The following SLC38A4 variants were observed in gnomAD, a reference collection of about 807,000 sequenced individuals.
SLC38A4 encodes solute carrier family 38 member 4.
A neutral mutation model predicts 63.1 loss-of-function variants in SLC38A4; 20 were observed. That is an observed-to-expected ratio of 0.32 (90% CI 0.22 to 0.46). The LOEUF (loss-of-function observed/expected upper bound fraction) is 0.46, where lower values mean the gene tolerates loss of function less well. SLC38A4 is among the 20% of genes least tolerant of loss of function. The pLI, the probability that SLC38A4 is intolerant of heterozygous loss-of-function variation, is 1.00. For synonymous variants in SLC38A4, 230 were observed against 225.5 expected, an observed-to-expected ratio of 1.02 and a Z score of -0.18; for missense variants, 526 against 663.6, an observed-to-expected ratio of 0.79 and a Z score of 2.28.
chr12:46,806,496 G>T (rs1939235305), intron 1 of SLC38A4, among the ~76,000 whole-genome samples: 1 of 151,878 alleles, frequency 6.6e-6, no homozygotes, highest in South Asian at 2.1e-4. Context: ...GTTTGGGTTT[G>T]GTGATGTTTG....
chr12:46,793,458 A>G (rs1044486916), intron 2 of SLC38A4, among the ~76,000 whole-genome samples: 21 of 151,570 alleles, frequency 1.4e-4, no homozygotes, highest in South Asian at 4.2e-4. Flanking sequence ...GTCACTATGG[A>G]AAAAAAAAGA....
At chr12:46,826,077 C>T (rs1939647222), upstream of SLC38A4, 1 of 152,268 alleles carries the variant, frequency 6.6e-6, no homozygotes, top group Non-Finnish European at 1.5e-5. Flanking sequence ...GGAGTACCAA[C>T]ATTGCAGACA....
chr12:46,766,394 G>A lies in SLC38A4; in HGVS notation c.*307C>T, dbSNP rs1484070686. ...GGGGAAAGAGTACTATCTGATGATTGTTACATGCAGTTACCCTTATTCTGC... is the reference window on the plus strand; with the variant it reads ...GGGGAAAGAGTACTATCTGATGATTATTACATGCAGTTACCCTTATTCTGC... On this transcript the variant is annotated 3_prime_UTR_variant, in exon 17 of 17. Coordinates refer to ENST00000266579, the MANE Select transcript of SLC38A4 (RefSeq NM_018018.5). 8.1e-6 allele frequency: 4 copies of A among 495,552 alleles called. No homozygotes were observed. Among genetic ancestry groups the A allele is most frequent in the Non-Finnish European group, 1.6e-5 (4 of 253,224 alleles). 30.7% of individuals were successfully genotyped at this position (495,552 alleles called of 1,614,324 possible). A position where few individuals can be genotyped will look rare whatever the true frequency, so the allele number is the denominator to read the frequency against.
chr12:46,821,903 C>G (rs1210063942), intron 1 of SLC38A4, among the ~76,000 whole-genome samples: 1 of 152,092 alleles, frequency 6.6e-6, no homozygotes, highest in Non-Finnish European at 1.5e-5. Context: ...AGGACTTTTA[C>G]CTCTTTAATT....
intron 1 of SLC38A4, among the ~76,000 whole-genome samples, chr12:46,816,107 A>G (rs1404181884): frequency 6.6e-6 from 1 of 151,950 alleles, no homozygotes; most frequent in Non-Finnish European, 1.5e-5. Flanking sequence ...TTCTAAGATA[A>G]AGAAAACTTT....
Position 46,770,020 on chromosome 12 carries a change from A to AT in SLC38A4, c.1300-593dup, listed in dbSNP as rs1194985100. ...CTTTTGATATTTGAAATGGAGTGTC[A>AT]TTTTTTCCTTGGCCTATTTTATAAG... On this transcript the variant is annotated intron_variant, in intron 14 of 16. Coordinates refer to ENST00000266579, the MANE Select transcript of SLC38A4 (RefSeq NM_018018.5). Among the ~76,000 whole-genome samples, 15 of 152,034 alleles carry AT rather than the reference A, an allele frequency of 9.9e-5. 1 individual carries two copies. Among genetic ancestry groups the AT allele is most frequent in the Admixed American group, 9.8e-4 (15 of 15,252 alleles).
At chr12:46,815,282 TATACACAC>T (rs1939420504) in intron 1 of SLC38A4, among the ~76,000 whole-genome samples, 2 of 90,116 alleles carry the variant, frequency 2.2e-5, no homozygotes, top group African/African-American at 4.5e-5. Context: ...TATATATATA[TATACACAC>T]ACACACACAC....
chr12:46,824,490 T>C (rs1939608953), intron 1 of SLC38A4: 1 of 152,134 alleles, frequency 6.6e-6, no homozygotes, highest in African/African-American at 2.4e-5. Flanking sequence ...CCCACTGAAG[T>C]TCCAAGTTTC....
chr12:46,774,556 T>A (rs1349581616), intron 14 of SLC38A4, among the ~76,000 whole-genome samples: 1 of 152,070 alleles, frequency 6.6e-6, no homozygotes, highest in Non-Finnish European at 1.5e-5. Flanking sequence ...AATTTTTTTC[T>A]GGTATATAAT....
At chr12:46,801,966 T>C (rs1009817669) in intron 2 of SLC38A4, among the ~76,000 whole-genome samples, 1 of 152,076 alleles carries the variant, frequency 6.6e-6, no homozygotes, top group African/African-American at 2.4e-5. Flanking sequence ...TTTTTTCCTC[T>C]ACTCAGATAT....
chr12:46,792,839 T>C (rs928319578), intron 3 of SLC38A4, 114 bp downstream of exon 3: 11 of 742,884 alleles, frequency 1.5e-5, no homozygotes, highest in South Asian at 9.4e-5. Flanking sequence ...ATCAATATCA[T>C]TGTTATCACA....
At chr12:46,799,375 G>T (rs1464853912) in intron 2 of SLC38A4, among the ~76,000 whole-genome samples, 4 of 152,082 alleles carry the variant, frequency 2.6e-5, no homozygotes, top group African/African-American at 9.7e-5. Flanking sequence ...GCTGAGGAGG[G>T]TCTATCTCCT....
chr12:46,768,246 T>G, intron 16 of SLC38A4, 64 bp downstream of exon 16: 2 of 1,187,170 alleles, frequency 1.7e-6, no homozygotes, highest in Non-Finnish European at 2.4e-6. Context: ...ATGTGTATTT[T>G]CTAGTTTATT....
chr12:46,770,050 T>A (rs1330707120), intron 14 of SLC38A4, among the ~76,000 whole-genome samples: 1 of 152,126 alleles, frequency 6.6e-6, no homozygotes, highest in Non-Finnish European at 1.5e-5. Flanking sequence ...TATAAGACAA[T>A]ATTTTATGCT....
chr12:46,806,566 T>G (rs1469954757), intron 1 of SLC38A4, among the ~76,000 whole-genome samples: 2 of 151,994 alleles, frequency 1.3e-5, no homozygotes, highest in African/African-American at 4.8e-5. Context: ...TTGGAACCAA[T>G]GGTAATTTGA....
chr12:46,799,432 T>A (rs1939085214), intron 2 of SLC38A4, among the ~76,000 whole-genome samples: 1 of 152,064 alleles, frequency 6.6e-6, no homozygotes, highest in Non-Finnish European at 1.5e-5. Flanking sequence ...CAAAGCTCCA[T>A]CTCTCCTAAA....
chr12:46,813,853 A>G (rs1313434390), intron 1 of SLC38A4, among the ~76,000 whole-genome samples: 4 of 152,050 alleles, frequency 2.6e-5, no homozygotes, highest in Non-Finnish European at 4.4e-5. Context: ...AAGTAAGTTA[A>G]TATTTGTAGA....
At chr12:46,795,787 G>A (rs939826940) in intron 2 of SLC38A4, among the ~76,000 whole-genome samples, 6 of 151,776 alleles carry the variant, frequency 4.0e-5, no homozygotes, top group Admixed American at 3.3e-4. Flanking sequence ...GATGAGTCTG[G>A]CTCTTATTTC....
intron 7 of SLC38A4, among the ~76,000 whole-genome samples, chr12:46,781,820 C>A (rs187594573): frequency 6.6e-6 from 1 of 152,050 alleles, no homozygotes; most frequent in Admixed American, 6.6e-5. Context: ...GAGGTGCTGC[C>A]ACTCAACTTC....
Sources: allele counts gnomAD v4.1 joint callset (sites outside exome capture counted in the v4.1 genomes callset), GRCh38; gene constraint gnomAD v4.1.1; transcripts MANE v1.5; gene names NCBI Gene and HGNC (gene_info 2026-07-23, HGNC 2026-07-21).